BANK1: variants seen among roughly 807,000 people sequenced by gnomAD.
The protein encoded by BANK1 is B cell scaffold protein with ankyrin repeats 1.
In BANK1, 95 loss-of-function variants were observed where a neutral mutation model predicts 94.5. The observed-to-expected ratio is 1.00, with a 90% CI of 0.85 to 1.19. The LOEUF (loss-of-function observed/expected upper bound fraction) is 1.19. Among genes scored for constraint, BANK1 ranks in the 50% most tolerant of loss-of-function variants. The pLI, the probability that BANK1 is intolerant of heterozygous loss-of-function variation, is 0.00. For missense variants in BANK1, 987 were observed against 932.2 expected (o/e 1.06, Z -0.77); for synonymous variants, 334 against 308.4 (o/e 1.08, Z -0.87).
At chr4:101,950,707 G>C (rs1207752343) in intron 7 of BANK1, among the ~76,000 whole-genome samples, 1 of 152,148 alleles carries the variant, frequency 6.6e-6, no homozygotes, top group Admixed American at 6.6e-5. Flanking sequence ...GAAGGGAGTG[G>C]TGGAGACCAC....
intron 7 of BANK1, among the ~76,000 whole-genome samples, chr4:102,019,681 T>A (rs1160213135): frequency 1.3e-5 from 2 of 152,210 alleles, no homozygotes; most frequent in Non-Finnish European, 2.9e-5. Flanking sequence ...CCATCATTGA[T>A]TTTATTGAAG....
At chr4:101,901,358 A>G (rs759047897) in intron 6 of BANK1, among the ~76,000 whole-genome samples, 2 of 152,236 alleles carry the variant, frequency 1.3e-5, no homozygotes, top group Non-Finnish European at 2.9e-5. Flanking sequence ...GTAGAGAGGA[A>G]AAAGAGCTAT....
At chr4:101,814,822 A>C (rs928712149) in intron 1 of BANK1, among the ~76,000 whole-genome samples, 13 of 152,184 alleles carry the variant, frequency 8.5e-5, no homozygotes, top group Admixed American at 7.9e-4. Flanking sequence ...TGGTATAAAA[A>C]CACACCATAA....
At chr4:101,791,591 A>G (rs1724990110) in intron 1 of BANK1, among the ~76,000 whole-genome samples, 1 of 152,256 alleles carries the variant, frequency 6.6e-6, no homozygotes, top group African/African-American at 2.4e-5. Context: ...AGCATTTCAA[A>G]TGCATTTGCA....
At chr4:102,027,337 A>G (rs541061650) in intron 9 of BANK1, among the ~76,000 whole-genome samples, 1 of 152,314 alleles carries the variant, frequency 6.6e-6, no homozygotes, top group East Asian at 1.9e-4. Flanking sequence ...GAGTTGTCTA[A>G]GATCAGAAAT....
intron 11 of BANK1, among the ~76,000 whole-genome samples, chr4:102,050,158 A>G (rs1010278884): frequency 6.6e-6 from 1 of 152,176 alleles, no homozygotes; most frequent in African/African-American, 2.4e-5. Context: ...ACCTTTTAAT[A>G]AACTTTCAAT....
chr4:101,838,116 C>T (rs1726901537), intron 2 of BANK1, among the ~76,000 whole-genome samples: 1 of 151,952 alleles, frequency 6.6e-6, no homozygotes, highest in Non-Finnish European at 1.5e-5. Context: ...TGTGCTACGC[C>T]CGGCTAATTC....
Position 101,960,434 on chromosome 4 carries a change from A to C in BANK1, c.1206+42245A>C, listed in dbSNP as rs191372130. Among the ~76,000 whole-genome samples, 265 of 152,240 alleles carry C rather than the reference A, an allele frequency of 1.7e-3. 1 individual carries two copies. Among genetic ancestry groups the C allele is most frequent in the Non-Finnish European group, 2.8e-3 (192 of 67,998 alleles). On this transcript the variant is annotated intron_variant, in intron 7 of 16. Coordinates refer to ENST00000322953, the MANE Select transcript of BANK1 (RefSeq NM_017935.5). ...CTTGGTTAAGAATGCTAGAAGTCAC[A>C]ATGAATTCTTTATTGATGTGTGTTT...
At position 101,952,290 on chromosome 4, in the gene BANK1, C is replaced by T. The variant is rs370040450; in HGVS notation, c.1206+34101C>T. Among the ~76,000 whole-genome samples the T allele has an allele frequency of 3.9e-5, 6 of 152,112 alleles. No individual in the cohort carries two copies. In the South Asian group the frequency reaches 6.2e-4, roughly 16 times the overall value. Reference sequence around the variant, plus strand: ...TTATATGTTTTTTCGCTTAAAGTAGCAATTTCCAAGACCCTTTTGACAACA... The same window carrying T: ...TTATATGTTTTTTCGCTTAAAGTAGTAATTTCCAAGACCCTTTTGACAACA... On this transcript the variant is annotated intron_variant, in intron 7 of 16. Coordinates refer to ENST00000322953, the MANE Select transcript of BANK1 (RefSeq NM_017935.5).
intron 2 of BANK1, among the ~76,000 whole-genome samples, chr4:101,849,354 A>G (rs1214222140): frequency 2.6e-5 from 4 of 152,184 alleles, no homozygotes; most frequent in Admixed American, 6.5e-5. Context: ...TATAGGTCCA[A>G]TGGCTAGAAT....
In BANK1 at chr4:101,853,533, G is replaced by C. The variant is rs146051474; in HGVS notation, c.470-1502G>C. 5.6e-4 allele frequency among the ~76,000 whole-genome samples: 86 copies of C among 152,278 alleles called. No homozygotes were observed. The East Asian group carries it at 0.014, about 26-fold the overall frequency. On this transcript the variant is annotated intron_variant, in intron 2 of 16. Coordinates refer to ENST00000322953, the MANE Select transcript of BANK1 (RefSeq NM_017935.5). ...AAGGCACATCAGGGAGAACCATGGG[G>C]TATCTCAGGAAAAGGGCATTAGAAA...
At chr4:101,994,972 A>C (rs1361103952) in intron 7 of BANK1, among the ~76,000 whole-genome samples, 1 of 152,072 alleles carries the variant, frequency 6.6e-6, no homozygotes, top group Non-Finnish European at 1.5e-5. Context: ...ATTATACTTT[A>C]AGTTTTGGGA....
chr4:101,948,628 G>A (rs982111217), intron 7 of BANK1, among the ~76,000 whole-genome samples: 1 of 152,076 alleles, frequency 6.6e-6, no homozygotes, highest in East Asian at 1.9e-4. Context: ...AATCTGGGAG[G>A]TGCTGTGGAT....
rs540194123 is a variant in BANK1, at chr4:101,838,464, G to A, written c.469+8258G>A. 2.4e-4 allele frequency among the ~76,000 whole-genome samples: 36 copies of A among 151,796 alleles called. No homozygotes were observed. In the East Asian group the frequency reaches 4.1e-3, roughly 17 times the overall value. On this transcript the variant is annotated intron_variant, in intron 2 of 16. Coordinates refer to ENST00000322953, the MANE Select transcript of BANK1 (RefSeq NM_017935.5). ...TTTAGATGATTTCCTCTTTATTTTTGCTAAAAGCTGATTTTTTTTTAACAT... is the reference window on the plus strand; with the variant it reads ...TTTAGATGATTTCCTCTTTATTTTTACTAAAAGCTGATTTTTTTTTAACAT...
chr4:101,897,415 G>T (rs1368325310), intron 6 of BANK1, among the ~76,000 whole-genome samples: 1 of 151,852 alleles, frequency 6.6e-6, no homozygotes, highest in African/African-American at 2.4e-5. Context: ...TACTGTTTAG[G>T]TTGTGGAATA....
intron 15 of BANK1, among the ~76,000 whole-genome samples, chr4:102,073,360 C>A (rs1051470149): frequency 6.6e-6 from 1 of 151,754 alleles, no homozygotes; most frequent in African/African-American, 2.4e-5. Flanking sequence ...ACCAAAGATT[C>A]TTCTATAAGA....
chr4:101,840,426 A>G (rs1727002217), intron 2 of BANK1, among the ~76,000 whole-genome samples: 1 of 152,220 alleles, frequency 6.6e-6, no homozygotes, highest in South Asian at 2.1e-4. Context: ...CTGGCCATAA[A>G]CAAAATCTCT....
At chr4:101,994,824 GT>G (rs1215360562) in intron 7 of BANK1, among the ~76,000 whole-genome samples, 1 of 152,098 alleles carries the variant, frequency 6.6e-6, no homozygotes, top group Non-Finnish European at 1.5e-5. Flanking sequence ...GCACAGAGAA[GT>G]TTCATGGGGT....
At chr4:101,868,091 G>A (rs561181307) in intron 4 of BANK1, among the ~76,000 whole-genome samples, 5 of 152,048 alleles carry the variant, frequency 3.3e-5, no homozygotes, top group South Asian at 2.1e-4. Flanking sequence ...ATTAAGACAC[G>A]GGTAAATCAA....
Sources: gnomAD v4.1 joint callset for allele counts (sites outside exome capture counted in the v4.1 genomes callset) on GRCh38, gnomAD v4.1.1 for gene constraint, MANE v1.5 for transcripts, NCBI Gene and HGNC (gene_info 2026-07-23, HGNC 2026-07-21) for gene names.